The following NTMT2 variants were observed in gnomAD, a reference collection of about 807,000 sequenced individuals.
NTMT2 encodes N-terminal Xaa-Pro-Lys N-methyltransferase 2.
In NTMT2, 21 loss-of-function variants were observed where a neutral mutation model predicts 23.4. The observed-to-expected ratio is 0.90, with a 90% CI of 0.64 to 1.29. The LOEUF (loss-of-function observed/expected upper bound fraction) is 1.29, where lower values mean the gene tolerates loss of function less well. Ranked by LOEUF, NTMT2 falls within the 50% of genes most tolerant of loss-of-function variation. The pLI is 0.00. For synonymous variants in NTMT2, 131 were observed against 127.7 expected (o/e 1.03, Z -0.17); for missense variants, 336 against 352.0 (o/e 0.95, Z 0.36).
rs1201715569 is a variant in NTMT2, at chr1:170,168,292, G to T, written c.*535G>T. 6.7e-6 allele frequency among the ~76,000 whole-genome samples: 1 copy of T among 148,674 alleles called. No homozygotes were observed. The highest frequency in any genetic ancestry group is 1.5e-5 in the Non-Finnish European group (1 of 67,490). The stretch of plus-strand genomic sequence containing the variant: ...ATGCCCACATATTCCAAACTGTCTT[G>T]TTCCCTGATAATTAGTATTATAGAG... On this transcript the variant is annotated 3_prime_UTR_variant, in exon 4 of 4. Transcript: ENST00000439373.
chr1:170,160,913 C>T (rs1673263071), intron 2 of NTMT2, among the ~76,000 whole-genome samples: 1 of 152,160 alleles, frequency 6.6e-6, no homozygotes, highest in Admixed American at 6.6e-5. Flanking sequence ...ATTTCACTGT[C>T]CTATCACCAA....
intron 1 of NTMT2, 84 bp from the exon 2 acceptor site, chr1:170,160,434 C>G (rs1440371016): frequency 8.2e-7 from 1 of 1,217,002 alleles, no homozygotes; most frequent in Non-Finnish European, 1.1e-6. Context: ...GATTCACAGG[C>G]TTTTAAAAGG....
Position 170,160,590 on chromosome 1 carries a change from A to G in NTMT2, c.227A>G (p.Tyr76Cys), listed in dbSNP as rs1673256949. 4 of 1,551,618 alleles carry G rather than the reference A, an allele frequency of 2.6e-6. No individual in the cohort carries two copies. The highest frequency in any genetic ancestry group is 3.5e-6 in the Non-Finnish European group (4 of 1,146,946). Residue 76 changes from tyrosine (Y) to cysteine (C), a missense_variant, in exon 2 of 4, where the codon TAC becomes TGC. Coordinates refer to ENST00000439373, the MANE Select transcript of NTMT2 (RefSeq NM_001136107.2). The stretch of plus-strand genomic sequence containing the variant: ...TTCTATGCCAGAGCTAAACTTTTCT[A>G]CCAAGAAGTACCAGCCACAGAAGAG... ...MQFYARAKLFYQEVPATEEGM... is the reference protein window; with the variant it reads ...MQFYARAKLFCQEVPATEEGM...
At chr1:170,156,280 A>G (rs1482215746) in intron 1 of NTMT2, among the ~76,000 whole-genome samples, 1 of 152,084 alleles carries the variant, frequency 6.6e-6, no homozygotes, top group African/African-American at 2.4e-5. Flanking sequence ...TGTAATCTCC[A>G]TGAGAGAGAT....
chr1:170,159,421 GTTT>G (rs869095905), intron 1 of NTMT2, among the ~76,000 whole-genome samples: 3 of 33,484 alleles, frequency 9.0e-5, no homozygotes, highest in Non-Finnish European at 1.6e-4. Flanking sequence ...TTATGCTCTG[GTTT>G]TTTTTTTTTT....
chr1:170,148,078 A>G (rs1264187366), intron 1 of NTMT2, among the ~76,000 whole-genome samples: 1 of 145,980 alleles, frequency 6.9e-6, no homozygotes, highest in Non-Finnish European at 1.5e-5. Flanking sequence ...TCTGCATAGG[A>G]TTGGGGGCAG....
At chr1:170,165,984 C>T (rs1673370783) in intron 2 of NTMT2, among the ~76,000 whole-genome samples, 1 of 151,774 alleles carries the variant, frequency 6.6e-6, no homozygotes, top group Non-Finnish European at 1.5e-5. Flanking sequence ...AATTGTATAT[C>T]TTGATTGTGG....
intron 1 of NTMT2, among the ~76,000 whole-genome samples, chr1:170,146,942 G>C (rs2102227709): frequency 6.6e-6 from 1 of 152,240 alleles, no homozygotes; most frequent in South Asian, 2.1e-4. Flanking sequence ...AGTTACTTCA[G>C]GGCACCCTAA....
Position 170,167,553 on chromosome 1 carries a change from C to A in NTMT2, c.648C>A (p.Gly216=). ...SRCRDGLKEN[G]IIILKDNVAR... is the part of the protein sequence containing the mutation. ...GCCGAGATGGCCTGAAAGAAAATGG[C>A]ATCATCATATTGAAGGACAATGTGG... The change falls in exon 4 of 4, where the codon GGC becomes GGA. Residue 216 remains glycine (G), a synonymous_variant. Transcript: ENST00000439373. 1 of 1,551,704 alleles carries A rather than the reference C, an allele frequency of 6.4e-7. No homozygotes were observed. The highest frequency in any genetic ancestry group is 8.7e-7 in the Non-Finnish European group (1 of 1,146,996).
chr1:170,152,328 G>T (rs1673085579), intron 1 of NTMT2, among the ~76,000 whole-genome samples: 1 of 152,168 alleles, frequency 6.6e-6, no homozygotes, highest in African/African-American at 2.4e-5. Context: ...TCTGTCTTCA[G>T]TATCTCCCCT....
intron 1 of NTMT2, among the ~76,000 whole-genome samples, chr1:170,149,549 C>T (rs189632639): frequency 3.3e-5 from 5 of 152,212 alleles, no homozygotes; most frequent in Admixed American, 2.6e-4. Flanking sequence ...CCATGGTTCC[C>T]GGCACATAGG....
intron 1 of NTMT2, among the ~76,000 whole-genome samples, chr1:170,159,420 G>GTTTTTTTTTTTTTTTTTTTTTTTTTTT (rs1673225599): frequency 1.1e-5 from 1 of 88,224 alleles, no homozygotes; most frequent in Non-Finnish European, 2.1e-5. Context: ...TTTATGCTCT[G>GTTTTTTTTTTTTTTTTTTTTTTTTTTT]GTTTTTTTTT....
At position 170,146,112 on chromosome 1, in the gene NTMT2, C is replaced by T; in HGVS notation, c.5C>T (p.Ala2Val). The change falls in exon 1 of 4, where the codon GCC becomes GTC. Residue 2 changes from alanine (A) to valine (V), a missense_variant. Coordinates refer to ENST00000439373, the MANE Select transcript of NTMT2 (RefSeq NM_001136107.2). The part of the protein sequence containing the change: M[A>V]HRGAHFAFRS... ...TCATTATTATCCCCCTTTGTCATGG[C>T]CCACCGGGGAGCCCATTTTGCCTTT... 4 of 1,550,776 alleles carry T rather than the reference C, an allele frequency of 2.6e-6. No homozygotes were observed. The highest frequency in any genetic ancestry group is 3.5e-6 in the Non-Finnish European group (4 of 1,146,592).
At chr1:170,165,901 C>A (rs1195836025) in intron 2 of NTMT2, among the ~76,000 whole-genome samples, 2 of 145,996 alleles carry the variant, frequency 1.4e-5, no homozygotes, top group East Asian at 4.0e-4. Context: ...TTTTTTAAAT[C>A]TCATTTATAA....
At chr1:170,150,190 T>G (rs930978183) in intron 1 of NTMT2, among the ~76,000 whole-genome samples, 4 of 152,170 alleles carry the variant, frequency 2.6e-5, no homozygotes, top group African/African-American at 9.6e-5. Context: ...CTGCCTAGAT[T>G]AGGCAGCAGT....
Position 170,168,710 on chromosome 1 carries a change from T to G in NTMT2, c.*953T>G, listed in dbSNP as rs1227450149. 6.6e-6 allele frequency among the ~76,000 whole-genome samples: 1 copy of G among 152,248 alleles called. No homozygotes were observed. The highest frequency in any genetic ancestry group is 1.5e-5 in the Non-Finnish European group (1 of 68,054). ...GATAATCTAATTTTAGTCTTTGCTT[T>G]TCAACATGGCTTGGTTCATTGCAGC... On this transcript the variant is annotated 3_prime_UTR_variant, in exon 4 of 4. Coordinates refer to ENST00000439373, the MANE Select transcript of NTMT2 (RefSeq NM_001136107.2).
Position 170,166,643 on chromosome 1 carries a change from T to C in NTMT2, c.472T>C (p.Tyr158His). 1.3e-6 allele frequency: 2 copies of C among 1,552,154 alleles called. No homozygotes were observed. The highest frequency in any genetic ancestry group is 1.7e-6 in the Non-Finnish European group (2 of 1,147,070). Reference protein sequence around the residue: ...MESFLLEAQNYLQVKGDKVES... With the variant: ...MESFLLEAQNHLQVKGDKVES... The stretch of plus-strand genomic sequence containing the variant: ...ATCCTTTCTCCTTGAAGCCCAGAAC[T>C]ACCTGCAGGTCAAAGGTGACAAAGT... The change falls in exon 3 of 4, where the codon TAC (tyrosine) becomes CAC (histidine). Residue 158 changes from tyrosine to histidine, a missense_variant. By Grantham distance (83) the Tyr-to-His change is moderately conservative. Transcript: ENST00000439373.
At position 170,146,159 on chromosome 1, in the gene NTMT2, G is replaced by T. The variant is rs138142057; in HGVS notation, c.52G>T (p.Asp18Tyr). The T allele has an allele frequency of 6.4e-7, 1 of 1,551,374 alleles. No homozygotes were observed. Among genetic ancestry groups the T allele is most frequent in the Non-Finnish European group, 8.7e-7 (1 of 1,146,882 alleles). The change falls in exon 1 of 4, where the codon GAC becomes TAC. Residue 18 changes from aspartate to tyrosine, a missense_variant. Transcript: ENST00000439373. ...FAFRSRWQKT[D>Y]DELCRHSMSF... ...CTTTAGATCCCGCTGGCAGAAGACC[G>T]ACGATGAACTCTGTAGACATAGCAT... is the stretch of plus-strand genomic sequence containing the variant.
At chr1:170,155,711 A>G (rs1410492609) in intron 1 of NTMT2, among the ~76,000 whole-genome samples, 2 of 152,118 alleles carry the variant, frequency 1.3e-5, no homozygotes, top group African/African-American at 4.8e-5. Flanking sequence ...ACCACTTGAA[A>G]AAAGAAGAAA....
Sources: allele counts gnomAD v4.1 joint callset (sites outside exome capture counted in the v4.1 genomes callset), GRCh38; gene constraint gnomAD v4.1.1; transcripts MANE v1.5; gene names NCBI Gene and HGNC (gene_info 2026-07-23, HGNC 2026-07-21).